ZC3H11A: variants seen among roughly 807,000 people sequenced by gnomAD.
The protein encoded by ZC3H11A is zinc finger CCCH-type containing 11A.
ZC3H11A carries 22 observed loss-of-function variants against 90.8 expected under a neutral mutation model. That is an observed-to-expected ratio of 0.24 (90% CI 0.17 to 0.35). The LOEUF (loss-of-function observed/expected upper bound fraction) is 0.35, where lower values mean the gene tolerates loss of function less well. ZC3H11A is among the 10% of genes least tolerant of loss of function. The probability of loss-of-function intolerance (pLI) is 1.00; values close to 1 mark genes in which losing one functional copy is unlikely to be tolerated. For missense variants in ZC3H11A, 701 were observed against 964.9 expected, an observed-to-expected ratio of 0.73 and a Z score of 3.62; for synonymous variants, 294 against 339.8, an observed-to-expected ratio of 0.87 and a Z score of 1.48.
At position 203,850,521 on chromosome 1, in the gene ZC3H11A, C is replaced by G; in HGVS notation, c.1946C>G (p.Pro649Arg). The stretch of plus-strand genomic sequence containing the variant: ...TATTTTCTGCCCTTTGTAGCTAAAC[C>G]CAAAGTGAACGTGAAGCCATCTGTG... Reference protein sequence around the residue: ...QTLEKRGKAKPKVNVKPSVVK... With the variant: ...QTLEKRGKAKRKVNVKPSVVK... Residue 649 changes from proline (P) to arginine (R), a missense_variant, in exon 16 of 18, where the codon CCC becomes CGC. This residue lies in a region of ZC3H11A where 530 missense variants were observed against 696.2 expected (regional missense o/e 0.76). Transcript: ENST00000367210. The G allele has an allele frequency of 6.2e-7, 1 of 1,613,800 alleles. No homozygotes were observed.
intron 4 of ZC3H11A, among the ~76,000 whole-genome samples, chr1:203,828,010 T>G (rs866192622): frequency 5.3e-5 from 8 of 151,580 alleles, no homozygotes; most frequent in African/African-American, 1.9e-4. Flanking sequence ...TTCATAAACT[T>G]AAACTACTGT....
chr1:203,847,118 A>G (rs1688123072), intron 12 of ZC3H11A, 66 bp from the exon 13 acceptor site: 1 of 1,548,950 alleles, frequency 6.5e-7, no homozygotes, highest in Non-Finnish European at 8.8e-7. Flanking sequence ...CCAAGAATAG[A>G]GAGATCATAA....
At chr1:203,829,305 C>T in intron 5 of ZC3H11A, 146 bp from the exon 6 acceptor site, 2 of 772,148 alleles carry the variant, frequency 2.6e-6, no homozygotes, top group Non-Finnish European at 4.2e-6. Context: ...CTTTTCCCTC[C>T]CTGGGACTTT....
intron 1 of ZC3H11A, chr1:203,800,257 G>A (rs1670138052): frequency 9.1e-7 from 1 of 1,103,888 alleles, no homozygotes; most frequent in Non-Finnish European, 1.3e-6. Context: ...CCCATGTGTA[G>A]TTGGCAATCT....
chr1:203,805,540 A>G (rs1672038301), intron 2 of ZC3H11A: 1 of 558,592 alleles, frequency 1.8e-6, no homozygotes, highest in African/African-American at 1.9e-5. Flanking sequence ...ACAGAAACGT[A>G]TCTGTTACGG....
chr1:203,838,926 G>A (rs1311229531), intron 11 of ZC3H11A, among the ~76,000 whole-genome samples: 1 of 135,604 alleles, frequency 7.4e-6, no homozygotes, highest in Non-Finnish European at 1.5e-5. Context: ...CTGCACTCCA[G>A]CCTGGGTGAC....
chr1:203,818,526 T>A (rs1046073576), intron 3 of ZC3H11A, 44 bp from the exon 4 acceptor site: 5 of 1,612,338 alleles, frequency 3.1e-6, no homozygotes, highest in Non-Finnish European at 4.2e-6. Context: ...TTACCTAGGA[T>A]GTATTTCAAT....
Position 203,798,802 on chromosome 1 carries a change from A to G in ZC3H11A, c.-1587-2773A>G, listed in dbSNP as rs752837374. ...GTGGAGGATATGCATCCTTACAACTATTTCTCAACCCCAGCCTTTCAGAGG... is the reference window on the plus strand; with the variant it reads ...GTGGAGGATATGCATCCTTACAACTGTTTCTCAACCCCAGCCTTTCAGAGG... On this transcript the variant is annotated intron_variant, in intron 1 of 17. Coordinates refer to ENST00000367210, the MANE Select transcript of ZC3H11A (RefSeq NM_001376342.1). 1.6e-5 allele frequency: 24 copies of G among 1,536,012 alleles called. No homozygotes were observed. Among genetic ancestry groups the G allele is most frequent in the Admixed American group, 3.9e-5 (2 of 50,968 alleles).
intron 4 of ZC3H11A, 91 bp from the exon 5 acceptor site, chr1:203,828,208 C>A (rs1681188739): frequency 2.7e-6 from 4 of 1,491,916 alleles, no homozygotes; most frequent in Non-Finnish European, 2.7e-6. Context: ...GATTTTTGAA[C>A]CCTGTATGAA....
At chr1:203,830,365 C>G (rs1419678850) in intron 8 of ZC3H11A, among the ~76,000 whole-genome samples, 162 bp downstream of exon 8, 2 of 152,190 alleles carry the variant, frequency 1.3e-5, no homozygotes, top group Non-Finnish European at 2.9e-5. Context: ...TTTTAATTCA[C>G]TGCAGCTGTG....
intron 2 of ZC3H11A, among the ~76,000 whole-genome samples, chr1:203,813,778 T>A (rs1675298963): frequency 6.6e-6 from 1 of 152,094 alleles, no homozygotes; most frequent in African/African-American, 2.4e-5. Flanking sequence ...GGTTTGTAGA[T>A]GCATCACTCC....
At position 203,841,162 on chromosome 1, in the gene ZC3H11A, T is replaced by C. The variant is rs533356560; in HGVS notation, c.1042+788T>C. Among the ~76,000 whole-genome samples the C allele has an allele frequency of 3.4e-3, 518 of 151,916 alleles. 3 individuals carry two copies. The highest frequency in any genetic ancestry group is 0.024 in the Middle Eastern group (7 of 294). On this transcript the variant is annotated intron_variant, in intron 12 of 17. Transcript: ENST00000367210. ...AGAATCTTTTTTTTTTTTTTATTTT[T>C]TTTTTTAGTATTTATTGATCATTCT...
chr1:203,816,934 T>G lies in ZC3H11A; in HGVS notation c.-137T>G. The G allele has an allele frequency of 1.7e-6, 1 of 581,734 alleles. No homozygotes were observed. The highest frequency in any genetic ancestry group is 3.0e-6 in the Non-Finnish European group (1 of 332,298). 36.0% of individuals were successfully genotyped at this position (581,734 alleles called of 1,614,324 possible). A position where few individuals can be genotyped will look rare whatever the true frequency, so the allele number is the denominator to read the frequency against. On this transcript the variant is annotated 5_prime_UTR_variant, in exon 3 of 18. Transcript: ENST00000367210. ...TTGTCTCCTCATTTTAGGATTACAG[T>G]TTAAAGACAATTTCTGTGATCAAGT...
chr1:203,849,191 G>A (rs1313599987), intron 14 of ZC3H11A, among the ~76,000 whole-genome samples: 3 of 152,074 alleles, frequency 2.0e-5, no homozygotes, highest in African/African-American at 4.8e-5. Context: ...GGCCTTCTTC[G>A]ACCTTTTTGT....
chr1:203,825,071 C>T (rs1230783848), intron 4 of ZC3H11A, among the ~76,000 whole-genome samples: 8 of 90,146 alleles, frequency 8.9e-5, no homozygotes, highest in Middle Eastern at 8.1e-3. Context: ...AGCGAGACTC[C>T]GTCTCAAAAA....
chr1:203,831,803 G>A (rs2103043499), intron 9 of ZC3H11A, 32 bp downstream of exon 9: 1 of 1,544,334 alleles, frequency 6.5e-7, no homozygotes. Context: ...GAGTTGTCAA[G>A]CCTCTACTTT....
chr1:203,808,181 C>G (rs6685918), intron 2 of ZC3H11A, among the ~76,000 whole-genome samples: 19,202 of 152,118 alleles, frequency 0.13, 1,590 homozygotes, highest in East Asian at 0.29. Flanking sequence ...CTAAAAACTT[C>G]TAAGTTCTGA....
chr1:203,819,089 T>C (rs12755422), intron 4 of ZC3H11A, among the ~76,000 whole-genome samples: 4,834 of 140,640 alleles, frequency 0.034, 177 homozygotes, highest in African/African-American at 0.089. Flanking sequence ...TATATATATA[T>C]ACACACACAC....
At chr1:203,818,924 C>G (rs1055220917) in intron 4 of ZC3H11A, among the ~76,000 whole-genome samples, 4 of 151,648 alleles carry the variant, frequency 2.6e-5, no homozygotes, top group Non-Finnish European at 5.9e-5. Context: ...AAAAAATTAG[C>G]TCAGTGTGGT....
Sources: allele counts gnomAD v4.1 joint callset (sites outside exome capture counted in the v4.1 genomes callset), GRCh38; gene constraint gnomAD v4.1.1; regional missense constraint gnomAD v4.1.1; transcripts MANE v1.5; gene names NCBI Gene and HGNC (gene_info 2026-07-23, HGNC 2026-07-21).